The following CSMD1 variants were observed in gnomAD, a reference collection of about 807,000 sequenced individuals.
CSMD1 encodes the protein CUB and Sushi multiple domains 1.
A neutral mutation model predicts 417.5 loss-of-function variants in CSMD1; 213 were observed. The ratio of observed to expected loss-of-function variants is 0.51; its 90% CI spans 0.46 to 0.57. The LOEUF (loss-of-function observed/expected upper bound fraction) is 0.57. CSMD1 is among the 20% of genes least tolerant of loss of function. The probability of loss-of-function intolerance (pLI) is 0.00; values close to 1 mark genes in which losing one functional copy is unlikely to be tolerated. For synonymous variants in CSMD1, 2,862 were observed against 1,736.8 expected, an observed-to-expected ratio of 1.65 and a Z score of -16.11; for missense variants, 6,923 against 4,529.7, an observed-to-expected ratio of 1.53 and a Z score of -15.17.
chr8:3,495,421 A>C (rs73501526), intron 10 of CSMD1, among the ~76,000 whole-genome samples: 8 of 152,144 alleles, frequency 5.3e-5, no homozygotes, highest in Non-Finnish European at 1.2e-4. Context: ...TAGGGGTCAC[A>C]CTATATGAAT....
At chr8:3,437,214 T>A (rs2117044004) in intron 12 of CSMD1, among the ~76,000 whole-genome samples, 1 of 152,328 alleles carries the variant, frequency 6.6e-6, no homozygotes, top group South Asian at 2.1e-4. Context: ...TCCTGTCTGT[T>A]GCTCACTTGA....
At chr8:4,014,232 A>C (rs549045675) in intron 4 of CSMD1, among the ~76,000 whole-genome samples, 2 of 152,326 alleles carry the variant, frequency 1.3e-5, no homozygotes, top group South Asian at 4.1e-4. Context: ...CTTAGGAAAA[A>C]AATCTAACAG....
intron 3 of CSMD1, among the ~76,000 whole-genome samples, chr8:4,308,160 G>T (rs574477190): frequency 6.6e-6 from 1 of 152,166 alleles, no homozygotes; most frequent in African/African-American, 2.4e-5. Flanking sequence ...GCGTTTCTTC[G>T]AATGTTCCTC....
chr8:3,917,515 C>G (rs1370118178), intron 5 of CSMD1, among the ~76,000 whole-genome samples: 1 of 152,066 alleles, frequency 6.6e-6, no homozygotes, highest in Non-Finnish European at 1.5e-5. Flanking sequence ...AAAAAATACA[C>G]AAATAACAAC....
intron 2 of CSMD1, among the ~76,000 whole-genome samples, chr8:4,473,811 T>C (rs58510139): frequency 1.3e-5 from 2 of 152,022 alleles, no homozygotes; most frequent in African/African-American, 2.4e-5. Context: ...GACAGAAAAA[T>C]AGAGATAGAA....
At chr8:3,741,175 T>C (rs1425368547) in intron 6 of CSMD1, among the ~76,000 whole-genome samples, 4 of 137,756 alleles carry the variant, frequency 2.9e-5, no homozygotes, top group East Asian at 2.1e-4. Context: ...GATCGTGCTA[T>C]TGCAGTCCAG....
intron 10 of CSMD1, among the ~76,000 whole-genome samples, chr8:3,542,966 G>C (rs6990811): frequency 0.047 from 7,144 of 152,150 alleles, 488 homozygotes; most frequent in African/African-American, 0.15. Flanking sequence ...GTGAATATGG[G>C]GCTCCTCTTC....
At chr8:4,252,998 A>C (rs898146959) in intron 3 of CSMD1, among the ~76,000 whole-genome samples, 2 of 152,184 alleles carry the variant, frequency 1.3e-5, no homozygotes, top group Admixed American at 6.5e-5. Context: ...TTTAAAGCCA[A>C]TGTCGGATTA....
At chr8:3,448,314 A>ACGAAGGGAGCAAGGTAGGGAGGGAG (rs1229105883) in intron 12 of CSMD1, among the ~76,000 whole-genome samples, 1 of 9,732 alleles carries the variant, frequency 1.0e-4, no homozygotes, top group Non-Finnish European at 2.1e-4. Context: ...GAAGGAAGGA[A>ACGAAGGGAGCAAGGTAGGGAGGGAG]GGAAGGAAGG....
chr8:3,901,609 T>C (rs1053162940), intron 5 of CSMD1, among the ~76,000 whole-genome samples: 2 of 152,206 alleles, frequency 1.3e-5, no homozygotes, highest in African/African-American at 4.8e-5. Flanking sequence ...TTTTGATAGT[T>C]TCTCTGAAAA....
At chr8:3,760,961 C>CTT (rs386411910) in intron 5 of CSMD1, among the ~76,000 whole-genome samples, 3,364 of 150,518 alleles carry the variant, frequency 0.022, 125 homozygotes, top group African/African-American at 0.064. Context: ...TGTGCTTTTT[C>CTT]TTTTTTTTTT....
chr8:3,692,568 G>A (rs1407433980), intron 7 of CSMD1, among the ~76,000 whole-genome samples: 1 of 151,958 alleles, frequency 6.6e-6, no homozygotes, highest in Non-Finnish European at 1.5e-5. Flanking sequence ...CCGAGCATCT[G>A]GGATAACAGG....
intron 18 of CSMD1, among the ~76,000 whole-genome samples, chr8:3,384,947 CATATATA>C (rs1348379243): frequency 6.7e-5 from 6 of 89,896 alleles, no homozygotes; most frequent in South Asian, 3.1e-4. Context: ...ATAATATATG[CATATATA>C]ATATATAATA....
chr8:3,957,285 T>C (rs938688042), intron 5 of CSMD1, among the ~76,000 whole-genome samples: 1 of 152,222 alleles, frequency 6.6e-6, no homozygotes, highest in South Asian at 2.1e-4. Flanking sequence ...ACATGTACTT[T>C]TGTGCCCTCA....
chr8:4,171,112 C>T (rs1186760802), intron 3 of CSMD1, among the ~76,000 whole-genome samples: 1 of 151,872 alleles, frequency 6.6e-6, no homozygotes, highest in Admixed American at 6.5e-5. Context: ...ACCTGCCCTT[C>T]AGCACACAAA....
At chr8:3,703,905 C>G (rs1308577063) in intron 7 of CSMD1, among the ~76,000 whole-genome samples, 1 of 152,026 alleles carries the variant, frequency 6.6e-6, no homozygotes, top group Non-Finnish European at 1.5e-5. Context: ...CCCATCTCTA[C>G]TGAAAATACA....
intron 7 of CSMD1, among the ~76,000 whole-genome samples, chr8:3,631,412 G>A (rs1034044446): frequency 1.3e-5 from 2 of 152,188 alleles, no homozygotes; most frequent in African/African-American, 2.4e-5. Context: ...AAGCCAGCCC[G>A]TGGCTGAGCC....
At chr8:4,837,837 A>T (rs1055615813) in intron 1 of CSMD1, among the ~76,000 whole-genome samples, 7 of 152,158 alleles carry the variant, frequency 4.6e-5, no homozygotes, top group Non-Finnish European at 1.0e-4. Context: ...TTGATATAGC[A>T]TGCCTATATC....
chr8:3,696,433 T>C (rs1800557376), intron 7 of CSMD1, among the ~76,000 whole-genome samples: 1 of 152,236 alleles, frequency 6.6e-6, no homozygotes, highest in Admixed American at 6.5e-5. Context: ...TAAGCTACCA[T>C]GGACTGCTTC....
Sources: allele counts gnomAD v4.1 joint callset (sites outside exome capture counted in the v4.1 genomes callset), GRCh38; gene constraint gnomAD v4.1.1; transcripts MANE v1.5; gene names NCBI Gene and HGNC (gene_info 2026-07-23, HGNC 2026-07-21).